OTUD7A: variants seen among roughly 807,000 people sequenced by gnomAD.
OTUD7A encodes the protein OTU domain-containing protein 7A.
A neutral mutation model predicts 65.7 loss-of-function variants in OTUD7A; 12 were observed. The ratio of observed to expected loss-of-function variants is 0.18; its 90% confidence interval spans 0.12 to 0.30. The LOEUF is 0.30. Ranked by LOEUF, OTUD7A falls within the 10% of genes least tolerant of loss-of-function variation. The pLI is 1.00. For synonymous variants in OTUD7A, 641 were observed against 586.3 expected, an observed-to-expected ratio of 1.09 and a Z score of -1.35; for missense variants, 1,148 against 1,304.8, an observed-to-expected ratio of 0.88 and a Z score of 1.85.
At chr15:31,634,702 C>T (rs1164296193) in intron 3 of OTUD7A, among the ~76,000 whole-genome samples, 3 of 152,266 alleles carry the variant, frequency 2.0e-5, no homozygotes, top group East Asian at 1.9e-4. Flanking sequence ...GGCATGAGTG[C>T]CGATGACAGC....
rs183113906 is a variant in OTUD7A at position 31,677,096 on chromosome 15, A to G, written c.-99-20019T>C. 6.2e-4 allele frequency among the ~76,000 whole-genome samples: 95 copies of G among 152,328 alleles called. 2 individuals are homozygous for G. In the East Asian group the frequency reaches 0.014, roughly 23 times the overall value. On this transcript the variant is annotated intron_variant, in intron 1 of 12. Transcript: ENST00000307050. ...TGAAAATAGAATATGGCATGGAAGGAACGTGAGCCATTTCCAGGCCTGGCC... is the reference window on the plus strand; with the variant it reads ...TGAAAATAGAATATGGCATGGAAGGGACGTGAGCCATTTCCAGGCCTGGCC...
At chr15:31,835,334 T>C (rs1453032759) in intron 1 of OTUD7A, among the ~76,000 whole-genome samples, 4 of 152,224 alleles carry the variant, frequency 2.6e-5, no homozygotes, top group Non-Finnish European at 5.9e-5. Flanking sequence ...TTATTCATTA[T>C]TCATCTGAAA....
intron 1 of OTUD7A, among the ~76,000 whole-genome samples, chr15:31,842,229 G>C (rs976905757): frequency 2.6e-5 from 4 of 152,250 alleles, no homozygotes; most frequent in African/African-American, 9.6e-5. Context: ...ACCCCAGGGG[G>C]GTATGAGGGG....
At chr15:31,526,266 C>T (rs1010085738) in intron 8 of OTUD7A, 83 bp downstream of exon 8, 85 of 1,306,662 alleles carry the variant, frequency 6.5e-5, no homozygotes, top group African/African-American at 5.1e-4. Flanking sequence ...CATTCCCCCC[C>T]GTGCCATCCC....
intron 1 of OTUD7A, among the ~76,000 whole-genome samples, chr15:31,857,908 C>T (rs1302756714): frequency 6.6e-6 from 1 of 152,128 alleles, no homozygotes. Context: ...GGCAACTTTT[C>T]CAAGAGAAAG....
intron 5 of OTUD7A, among the ~76,000 whole-genome samples, chr15:31,542,199 G>C (rs1430630182): frequency 6.6e-6 from 1 of 152,040 alleles, no homozygotes; most frequent in East Asian, 1.9e-4. Flanking sequence ...CTGTGAGTAA[G>C]AGTCATACAC....
At chr15:31,573,391 A>G (rs891789934) in intron 3 of OTUD7A, among the ~76,000 whole-genome samples, 2 of 152,248 alleles carry the variant, frequency 1.3e-5, no homozygotes, top group Non-Finnish European at 2.9e-5. Flanking sequence ...CAAGAGATGA[A>G]TAAGAGTCTG....
chr15:31,611,346 A>C (rs1267580589), intron 3 of OTUD7A, among the ~76,000 whole-genome samples: 1 of 152,146 alleles, frequency 6.6e-6, no homozygotes. Context: ...AAACAAACAA[A>C]TACAAAAGAT....
chr15:31,676,547 G>T lies in OTUD7A; in HGVS notation c.-99-19470C>A, dbSNP rs565556095. On this transcript the variant is annotated intron_variant, in intron 1 of 12. Coordinates refer to ENST00000307050, the MANE Select transcript of OTUD7A (RefSeq NM_001382637.1). Reference sequence around the variant, plus strand: ...GGTATGCATAGAATCCTTCCACCTTGAAGTGATGTGATACGAGAAGCTGTG... The same window carrying T: ...GGTATGCATAGAATCCTTCCACCTTTAAGTGATGTGATACGAGAAGCTGTG... 1.6e-4 allele frequency among the ~76,000 whole-genome samples: 24 copies of T among 152,334 alleles called. No individual in the cohort carries two copies. In the East Asian group the frequency reaches 3.7e-3, roughly 23 times the overall value.
chr15:31,700,677 A>G (rs968767569), intron 1 of OTUD7A, among the ~76,000 whole-genome samples: 114 of 151,736 alleles, frequency 7.5e-4, no homozygotes, highest in African/African-American at 2.7e-3. Context: ...TATAGATGCC[A>G]CTATCACAGG....
chr15:31,808,410 C>T (rs183411085), intron 1 of OTUD7A, among the ~76,000 whole-genome samples: 6 of 152,160 alleles, frequency 3.9e-5, no homozygotes, highest in Admixed American at 3.3e-4. Context: ...GAGCATGAGC[C>T]GCGACAAGCT....
chr15:31,777,362 A>G (rs1229122517), intron 1 of OTUD7A, among the ~76,000 whole-genome samples: 2 of 152,174 alleles, frequency 1.3e-5, no homozygotes, highest in South Asian at 2.1e-4. Flanking sequence ...TAGTACCCCA[A>G]TGACTTGTAC....
At chr15:31,555,708 G>A (rs1445552317) in intron 5 of OTUD7A, among the ~76,000 whole-genome samples, 3 of 152,160 alleles carry the variant, frequency 2.0e-5, no homozygotes, top group Non-Finnish European at 2.9e-5. Context: ...CTAAGACCTC[G>A]CTTGAGAGCA....
intron 1 of OTUD7A, among the ~76,000 whole-genome samples, chr15:31,772,184 G>A (rs991278004): frequency 2.5e-4 from 38 of 149,434 alleles, no homozygotes; most frequent in Non-Finnish European, 4.6e-4. Flanking sequence ...CCCGGGAGGC[G>A]GAGCTTGCAG....
chr15:31,798,382 G>GC (rs1420250650), intron 1 of OTUD7A, among the ~76,000 whole-genome samples: 2 of 152,174 alleles, frequency 1.3e-5, no homozygotes, highest in Non-Finnish European at 2.9e-5. Flanking sequence ...TGCTCCCGAT[G>GC]CCCCCTCATG....
At chr15:31,613,026 CA>C (rs1337266741) in intron 3 of OTUD7A, among the ~76,000 whole-genome samples, 1 of 152,070 alleles carries the variant, frequency 6.6e-6, no homozygotes, top group Admixed American at 6.5e-5. Context: ...ACAAAGCAAA[CA>C]AAAACATAAA....
chr15:31,816,534 CAAA>C (rs368748974), intron 1 of OTUD7A, among the ~76,000 whole-genome samples: 1 of 134,450 alleles, frequency 7.4e-6, no homozygotes, highest in South Asian at 3.0e-4. Context: ...ACTAAAAATA[CAAA>C]AAAAAAAATA....
At chr15:31,643,139 T>TGTGGAAAAAAATAAATAAATAA (rs202175828) in intron 3 of OTUD7A, among the ~76,000 whole-genome samples, 1 of 151,872 alleles carries the variant, frequency 6.6e-6, no homozygotes, top group Non-Finnish European at 1.5e-5. Context: ...TCACAGATGC[T>TGTGGAAAAAAATAAATAAATAA]TTAATTTTTA....
At chr15:31,535,922 C>T (rs985351059) in intron 5 of OTUD7A, among the ~76,000 whole-genome samples, 5 of 152,016 alleles carry the variant, frequency 3.3e-5, no homozygotes, top group Admixed American at 1.3e-4. Flanking sequence ...CCTCGTGATC[C>T]GCCCACCTCA....
Sources: allele counts gnomAD v4.1 joint callset (sites outside exome capture counted in the v4.1 genomes callset), GRCh38; gene constraint gnomAD v4.1.1; transcripts MANE v1.5; gene names NCBI Gene and HGNC (gene_info 2026-07-23, HGNC 2026-07-21).